The following VRK1 variants were observed in gnomAD, a reference collection of about 807,000 sequenced individuals.
VRK1 encodes the protein serine/threonine-protein kinase VRK1.
VRK1 carries 33 observed loss-of-function variants against 57.1 expected under a neutral mutation model. That is an observed-to-expected ratio of 0.58 (90% confidence interval 0.44 to 0.77). The LOEUF is 0.77. Among genes scored for constraint, VRK1 ranks in the 30% least tolerant of loss-of-function variants. The pLI is 0.00. For synonymous variants in VRK1, 137 were observed against 147.8 expected, an observed-to-expected ratio of 0.93 and a Z score of 0.53; for missense variants, 413 against 477.3, an observed-to-expected ratio of 0.87 and a Z score of 1.25.
intron 1 of VRK1, among the ~76,000 whole-genome samples, chr14:96,811,708 C>A (rs945145356): frequency 5.9e-5 from 9 of 152,010 alleles, no homozygotes; most frequent in Non-Finnish European, 1.0e-4. Context: ...TTCCACAGAA[C>A]GCTATAATCC....
chr14:96,798,321 A>G (rs956284964), intron 1 of VRK1, among the ~76,000 whole-genome samples: 1 of 152,196 alleles, frequency 6.6e-6, no homozygotes, highest in Admixed American at 6.5e-5. Flanking sequence ...CAAAACTCTT[A>G]GGTGGTAGAA....
intron 11 of VRK1, among the ~76,000 whole-genome samples, chr14:96,872,246 T>A (rs1474548846): frequency 2.0e-5 from 3 of 152,258 alleles, no homozygotes; most frequent in Non-Finnish European, 4.4e-5. Flanking sequence ...AAAACATATA[T>A]GTAATTAATG....
chr14:96,857,841 A>G (rs1039973374), intron 10 of VRK1, among the ~76,000 whole-genome samples: 1 of 152,206 alleles, frequency 6.6e-6, no homozygotes, highest in African/African-American at 2.4e-5. Flanking sequence ...TGGACCTCAT[A>G]GCAATCAGTA....
At chr14:96,833,439 C>G (rs1451747474) in intron 1 of VRK1, 28 bp from the exon 2 acceptor site, 1 of 1,612,176 alleles carries the variant, frequency 6.2e-7, no homozygotes, top group Non-Finnish European at 8.5e-7. Context: ...GATTAGAATT[C>G]TGACCATTTC....
chr14:96,820,815 A>G (rs940491611), intron 1 of VRK1, among the ~76,000 whole-genome samples: 3 of 152,222 alleles, frequency 2.0e-5, no homozygotes, highest in Non-Finnish European at 4.4e-5. Context: ...TATAGTTAAG[A>G]TAGATGTTAC....
intron 1 of VRK1, among the ~76,000 whole-genome samples, chr14:96,807,584 G>A (rs1387673080): frequency 6.6e-6 from 1 of 152,094 alleles, no homozygotes; most frequent in African/African-American, 2.4e-5. Flanking sequence ...TGTGAGTTAA[G>A]GGAAGAATAT....
intron 3 of VRK1, among the ~76,000 whole-genome samples, chr14:96,840,398 C>G (rs757063425): frequency 2.0e-5 from 3 of 152,170 alleles, no homozygotes; most frequent in Non-Finnish European, 2.9e-5. Context: ...AAAGCGATGC[C>G]TTTCAAGTTG....
chr14:96,853,787 T>C (rs149424082), intron 7 of VRK1, among the ~76,000 whole-genome samples: 2 of 152,224 alleles, frequency 1.3e-5, no homozygotes, highest in East Asian at 1.9e-4. Context: ...TATAACTGTT[T>C]CTGTGATTTC....
At chr14:96,802,168 A>G (rs939834558) in intron 1 of VRK1, among the ~76,000 whole-genome samples, 19 of 152,256 alleles carry the variant, frequency 1.2e-4, no homozygotes, top group East Asian at 3.8e-4. Context: ...GTAGGAATGT[A>G]AAATGATATA....
rs768889718 is a variant in VRK1, at chr14:96,837,804, G to A, written c.203G>A (p.Cys68Tyr). 4.5e-6 allele frequency: 7 copies of A among 1,556,138 alleles called. No individual in the cohort carries two copies. Among genetic ancestry groups the A allele is most frequent in the Non-Finnish European group, 6.1e-6 (7 of 1,150,430 alleles). ...SSESVGSDAP[C>Y]VVKVEPSDNG... ...GAGTCAGTTGGCAGTGATGCACCTTGTGTTGTAAAAGTGGTAAGAAATATT... is the reference window on the plus strand; with the variant it reads ...GAGTCAGTTGGCAGTGATGCACCTTATGTTGTAAAAGTGGTAAGAAATATT... Residue 68 changes from cysteine to tyrosine, a missense_variant, in exon 3 of 13, where the codon TGT becomes TAT. Cys to Tyr is a radical substitution (Grantham distance 194). Transcript: ENST00000216639.
intron 1 of VRK1, among the ~76,000 whole-genome samples, chr14:96,799,978 A>G (rs1351984606): frequency 6.8e-6 from 1 of 147,942 alleles, no homozygotes; most frequent in Non-Finnish European, 1.5e-5. Context: ...TTTATCTAGC[A>G]TCCAGCACAG....
chr14:96,842,566 T>C (rs755800844), intron 3 of VRK1, among the ~76,000 whole-genome samples: 8 of 152,216 alleles, frequency 5.3e-5, no homozygotes, highest in Non-Finnish European at 1.2e-4. Context: ...TTCCATATTT[T>C]CTAAAATGAG....
intron 11 of VRK1, 31 bp from the exon 12 acceptor site, chr14:96,875,997 ATC>A (rs760319122): frequency 5.9e-4 from 926 of 1,570,932 alleles, no homozygotes; most frequent in Non-Finnish European, 6.8e-4. Flanking sequence ...ACTGTCAGAT[ATC>A]TCTCTCTCTC....
At chr14:96,856,611 A>C in intron 10 of VRK1, 25 bp downstream of exon 10, 1 of 1,599,980 alleles carries the variant, frequency 6.3e-7, no homozygotes, top group Non-Finnish European at 8.6e-7. Context: ...CTTCAGTGTT[A>C]ATAGGGATTT....
At chr14:96,854,316 A>G (rs927739529) in intron 7 of VRK1, among the ~76,000 whole-genome samples, 1 of 152,206 alleles carries the variant, frequency 6.6e-6, no homozygotes, top group African/African-American at 2.4e-5. Flanking sequence ...GTAGGTGACT[A>G]AAACATGCTG....
chr14:96,833,772 A>G, intron 2 of VRK1, 141 bp downstream of exon 2: 1 of 1,216,744 alleles, frequency 8.2e-7, no homozygotes, highest in African/African-American at 1.5e-5. Context: ...GCAAAAATGC[A>G]TCTCTGACGT....
At chr14:96,877,142 G>A (rs754320861) in intron 12 of VRK1, among the ~76,000 whole-genome samples, 1 of 141,926 alleles carries the variant, frequency 7.0e-6, no homozygotes, top group Non-Finnish European at 1.5e-5. Context: ...GCTTATTTTT[G>A]GTTAAAAAAA....
chr14:96,799,945 G>GCCT (rs1885591717), intron 1 of VRK1, among the ~76,000 whole-genome samples: 1 of 147,694 alleles, frequency 6.8e-6, no homozygotes, highest in Non-Finnish European at 1.5e-5. Flanking sequence ...ATTAGTGTAC[G>GCCT]TCTTTTTTTT....
chr14:96,820,492 TTCGTTAGCAGTTCC>T (rs1176467512), intron 1 of VRK1, among the ~76,000 whole-genome samples: 1 of 152,204 alleles, frequency 6.6e-6, no homozygotes, highest in African/African-American at 2.4e-5. Flanking sequence ...ACACTGTATG[TTCGTTAGCAGTTCC>T]TGGGCCAAAT....
Sources: allele counts gnomAD v4.1 joint callset (sites outside exome capture counted in the v4.1 genomes callset), GRCh38; gene constraint gnomAD v4.1.1; transcripts MANE v1.5; gene names NCBI Gene and HGNC (gene_info 2026-07-23, HGNC 2026-07-21).